Variants in GOPC observed in about 807,000 individuals in gnomAD.
The protein encoded by GOPC is golgi associated PDZ and coiled-coil motif containing.
In GOPC, 32 loss-of-function variants were observed where a neutral mutation model predicts 51.2. That is an observed-to-expected ratio of 0.63 (90% CI 0.47 to 0.84). The LOEUF (loss-of-function observed/expected upper bound fraction) is 0.84, where lower values mean the gene tolerates loss of function less well. GOPC is among the 40% of genes least tolerant of loss of function. GOPC has a pLI of 0.00. For missense variants in GOPC, 441 were observed against 555.5 expected (o/e 0.79, Z 2.07); for synonymous variants, 190 against 205.1 (o/e 0.93, Z 0.63).
At chr6:117,583,585 T>C (rs1375095914) in intron 1 of GOPC, among the ~76,000 whole-genome samples, 2 of 152,230 alleles carry the variant, frequency 1.3e-5, no homozygotes, top group African/African-American at 4.8e-5. Flanking sequence ...ATCCTATTTG[T>C]CATGTTATAT....
At position 117,560,942 on chromosome 6, in the gene GOPC, T is replaced by C. The variant is rs562889181; in HGVS notation, c.*2312A>G. On this transcript the variant is annotated 3_prime_UTR_variant, in exon 9 of 9. Coordinates refer to ENST00000368498, the MANE Select transcript of GOPC (RefSeq NM_020399.4). ...TTTCTTTCCTATAAATGTGAAAATA[T>C]TAAAATTGGTTCTCAGTCCTTTGGA... The C allele has an allele frequency of 2.4e-5, 5 of 211,604 alleles. No homozygotes were observed. The East Asian group carries it at 2.8e-4, about 12-fold the overall frequency. 13.1% of individuals were successfully genotyped at this position (211,604 alleles called of 1,614,324 possible).
intron 1 of GOPC, among the ~76,000 whole-genome samples, chr6:117,582,438 G>A (rs949944012): frequency 4.0e-5 from 6 of 151,600 alleles, no homozygotes; most frequent in African/African-American, 7.3e-5. Flanking sequence ...ACTCTCTCCC[G>A]ACTGGTTCTT....
At position 117,569,680 on chromosome 6, in the gene GOPC, A is replaced by C. The variant is rs1303093237; in HGVS notation, c.969T>G (p.Pro323=). ...CGTGCAGCCCTCCGCATCTATCAGCAGGTTGCCCCGGATGGATCTCAGAGA... is the reference window on the plus strand; with the variant it reads ...CGTGCAGCCCTCCGCATCTATCAGCCGGTTGCCCCGGATGGATCTCAGAGA... ...ILISEIHPGQ[P]ADRCGGLHVG... is the part of the protein sequence containing the mutation. The change falls in exon 7 of 9, where the codon CCT becomes CCG. Residue 323 remains proline, a synonymous_variant. Coordinates refer to ENST00000368498, the MANE Select transcript of GOPC (RefSeq NM_020399.4). 4 of 1,610,554 alleles carry C rather than the reference A, an allele frequency of 2.5e-6. No homozygotes were observed. The highest frequency in any genetic ancestry group is 3.4e-6 in the Non-Finnish European group (4 of 1,178,844).
chr6:117,598,521 A>G (rs1431909630), intron 1 of GOPC, among the ~76,000 whole-genome samples: 1 of 152,220 alleles, frequency 6.6e-6, no homozygotes, highest in African/African-American at 2.4e-5. Flanking sequence ...TTTGTGGAAG[A>G]CAATTTTTCC....
chr6:117,572,462 T>TA (rs1015165159), intron 5 of GOPC, among the ~76,000 whole-genome samples: 11 of 152,262 alleles, frequency 7.2e-5, no homozygotes, highest in Admixed American at 7.2e-4. Flanking sequence ...AAATAACTAT[T>TA]AAAAAATGTA....
intron 1 of GOPC, among the ~76,000 whole-genome samples, chr6:117,593,430 T>A (rs949213253): frequency 4.6e-5 from 7 of 152,370 alleles, no homozygotes; most frequent in African/African-American, 1.4e-4. Context: ...TATTTGTTTT[T>A]ATTTAAAAAC....
intron 3 of GOPC, among the ~76,000 whole-genome samples, chr6:117,576,731 A>G (rs1285898023): frequency 6.6e-6 from 1 of 152,112 alleles, no homozygotes; most frequent in African/African-American, 2.4e-5. Flanking sequence ...CAAGAATAAG[A>G]TGAAGGAAAC....
intron 4 of GOPC, among the ~76,000 whole-genome samples, chr6:117,573,981 T>C (rs1331781230): frequency 6.6e-6 from 1 of 152,180 alleles, no homozygotes; most frequent in African/African-American, 2.4e-5. Context: ...ATGTTAGCTT[T>C]TAGATGAGAT....
chr6:117,585,421 A>C (rs910156915), intron 1 of GOPC, among the ~76,000 whole-genome samples: 1 of 152,234 alleles, frequency 6.6e-6, no homozygotes, highest in African/African-American at 2.4e-5. Flanking sequence ...CAAGTTGCAC[A>C]GCATGAAAAT....
At chr6:117,564,450 AGAT>A (rs1226178558) in intron 8 of GOPC, among the ~76,000 whole-genome samples, 2 of 152,242 alleles carry the variant, frequency 1.3e-5, no homozygotes, top group Non-Finnish European at 2.9e-5. Flanking sequence ...TTTGTTGGCA[AGAT>A]GATGTCTAGC....
In GOPC at chr6:117,577,441, T is replaced by C; in HGVS notation, c.474+7A>G. 6.2e-7 allele frequency: 1 copy of C among 1,605,298 alleles called. No homozygotes were observed. The highest frequency in any genetic ancestry group is 8.5e-7 in the Non-Finnish European group (1 of 1,175,784). ...ATATTAAAGCAAAACAGAAACAATA[T>C]ACTTACCAGCTCCTCCACAGAGGGG... On this transcript the variant is annotated splice_region_variant and intron_variant, in intron 3 of 8. Transcript: ENST00000368498.
chr6:117,586,968 T>C (rs1286448792), intron 1 of GOPC, among the ~76,000 whole-genome samples: 1 of 152,216 alleles, frequency 6.6e-6, no homozygotes, highest in Non-Finnish European at 1.5e-5. Flanking sequence ...CTTTCTTCTA[T>C]GTGCCTGAGG....
chr6:117,576,398 T>A (rs1301961170), intron 3 of GOPC, among the ~76,000 whole-genome samples: 1 of 152,062 alleles, frequency 6.6e-6, no homozygotes, highest in East Asian at 1.9e-4. Flanking sequence ...ATTATTAAAC[T>A]CTTATTTCAG....
rs369004447 is a variant in GOPC, at chr6:117,561,800, A to G, written c.*1454T>C. 1 of 207,616 alleles carries G rather than the reference A, an allele frequency of 4.8e-6. No homozygotes were observed. The highest frequency in any genetic ancestry group is 1.9e-4 in the South Asian group (1 of 5,280). The allele number at this position is 207,616 out of a possible 1,614,324, so 12.9% of individuals were successfully genotyped here. A position where few individuals can be genotyped will look rare whatever the true frequency, so the allele number is the denominator to read the frequency against. Reference sequence around the variant, plus strand: ...CACCACCCAAAACAAACCATAAATGAGCAACAGTTAAAACATTAAATTTAT... The same window carrying G: ...CACCACCCAAAACAAACCATAAATGGGCAACAGTTAAAACATTAAATTTAT... On this transcript the variant is annotated 3_prime_UTR_variant, in exon 9 of 9. Transcript: ENST00000368498.
chr6:117,590,955 C>A (rs552991623), intron 1 of GOPC, among the ~76,000 whole-genome samples: 48 of 152,200 alleles, frequency 3.2e-4, no homozygotes, highest in African/African-American at 1.1e-3. Flanking sequence ...CAGGTTCAAG[C>A]GATTCTCCTG....
At chr6:117,574,241 A>AC (rs139067637) in intron 4 of GOPC, among the ~76,000 whole-genome samples, 2,055 of 151,676 alleles carry the variant, frequency 0.014, 30 homozygotes, top group South Asian at 0.046. Flanking sequence ...ACAGAGTGAG[A>AC]CCCCATCTCA....
chr6:117,561,430 G>A lies in GOPC; in HGVS notation c.*1824C>T. ...TGTTTTAAGAAGATAAGAATAACAT[G>A]GTTTCATGTCACAGCAAAAAGGTTT... On this transcript the variant is annotated 3_prime_UTR_variant, in exon 9 of 9. Coordinates refer to ENST00000368498, the MANE Select transcript of GOPC (RefSeq NM_020399.4). 2 of 223,316 alleles carry A rather than the reference G, an allele frequency of 9.0e-6. No individual in the cohort carries two copies. The highest frequency in any genetic ancestry group is 1.8e-5 in the Non-Finnish European group (2 of 111,686). The allele number at this position is 223,316 out of a possible 1,614,324, so 13.8% of individuals were successfully genotyped here.
chr6:117,601,914 T>C (rs1243553905), intron 1 of GOPC, 90 bp downstream of exon 1: 2 of 1,416,418 alleles, frequency 1.4e-6, no homozygotes, highest in East Asian at 4.8e-5. Flanking sequence ...GGCAGTTTTC[T>C]AGGGTCGTTT....
intron 7 of GOPC, among the ~76,000 whole-genome samples, chr6:117,567,486 C>T (rs778635070): frequency 2.6e-5 from 4 of 152,090 alleles, no homozygotes; most frequent in Non-Finnish European, 5.9e-5. Context: ...GATTTTTGTA[C>T]ACTGCCATAA....
Sources: gnomAD v4.1 joint callset for allele counts (sites outside exome capture counted in the v4.1 genomes callset) on GRCh38, gnomAD v4.1.1 for gene constraint, MANE v1.5 for transcripts, NCBI Gene and HGNC (gene_info 2026-07-23, HGNC 2026-07-21) for gene names.